Variants in SYCE1L observed in about 807,000 individuals in gnomAD.
SYCE1L encodes synaptonemal complex central element protein 1-like.
SYCE1L carries 51 observed loss-of-function variants against 39.6 expected under a neutral mutation model. The observed-to-expected ratio is 1.29, with a 90% CI of 1.03 to 1.63. The LOEUF (loss-of-function observed/expected upper bound fraction) is 1.63, where lower values mean the gene tolerates loss of function less well. Ranked by LOEUF, SYCE1L falls within the 40% of genes most tolerant of loss-of-function variation. SYCE1L has a pLI of 0.00. For missense variants in SYCE1L, 426 were observed against 304.9 expected (o/e 1.40, Z -2.96); for synonymous variants, 147 against 122.4 (o/e 1.20, Z -1.33).
chr16:77,201,927 G>T (rs1351740199), intron 1 of SYCE1L: 1 of 152,120 alleles, frequency 6.6e-6, no homozygotes, highest in Non-Finnish European at 1.5e-5. Context: ...ATGGAGGGGG[G>T]TATAGCCCTG....
At chr16:77,200,270 A>ATATATATG (rs1273001153) in intron 1 of SYCE1L, 4 of 95,014 alleles carry the variant, frequency 4.2e-5, no homozygotes, top group African/African-American at 1.4e-4. Context: ...ATATATATAT[A>ATATATATG]TGTGTATATA....
At chr16:77,210,746 G>A (rs1402614253) in intron 6 of SYCE1L, among the ~76,000 whole-genome samples, 2 of 152,114 alleles carry the variant, frequency 1.3e-5, no homozygotes, top group African/African-American at 2.4e-5. Flanking sequence ...ACAGGGTAAT[G>A]TTCTCAACAG....
At chr16:77,209,317 A>G in intron 5 of SYCE1L, 100 bp from the exon 6 acceptor site, 1 of 1,400,084 alleles carries the variant, frequency 7.1e-7, no homozygotes, top group Non-Finnish European at 9.9e-7. Flanking sequence ...AAGTCCTCAC[A>G]GTGCCCTCCA....
At chr16:77,206,337 C>G (rs2054785483) in intron 1 of SYCE1L, 104 bp from the exon 2 acceptor site, 3 of 981,902 alleles carry the variant, frequency 3.1e-6, no homozygotes, top group Non-Finnish European at 4.6e-6. Context: ...CATCCTTAGC[C>G]CCAGCCCACG....
At chr16:77,200,746 C>CAAAAAAAAAAAAAAAAAAAAA in intron 1 of SYCE1L, 1 of 84,838 alleles carries the variant, frequency 1.2e-5, no homozygotes, top group Non-Finnish European at 2.3e-5. Context: ...ACAGAGTGAG[C>CAAAAAAAAAAAAAAAAAAAAA]AAAAAAAAAA....
rs2054837720 is a variant in SYCE1L, at chr16:77,213,004, T to A, written c.*73T>A. On this transcript the variant is annotated 3_prime_UTR_variant, in exon 11 of 11. Coordinates refer to ENST00000378644, the MANE Select transcript of SYCE1L (RefSeq NM_001129979.3). ...AAATAAAGGCGATGATTTCCGACCA[T>A]GCTCGCGTTCTCCGCGGAGTCTGTG... The A allele has an allele frequency of 7.2e-7, 1 of 1,382,774 alleles. No homozygotes were observed. The highest frequency in any genetic ancestry group is 2.6e-5 in the Admixed American group (1 of 38,454). 85.7% of individuals were successfully genotyped at this position (1,382,774 alleles called of 1,614,324 possible).
At chr16:77,203,970 A>T (rs1021911336) in intron 1 of SYCE1L, among the ~76,000 whole-genome samples, 1 of 152,080 alleles carries the variant, frequency 6.6e-6, no homozygotes, top group Non-Finnish European at 1.5e-5. Context: ...CTTAAGACAC[A>T]TTCCTAGGAG....
intron 1 of SYCE1L, chr16:77,201,447 G>A (rs909801779): frequency 3.9e-5 from 6 of 152,174 alleles, no homozygotes; most frequent in African/African-American, 1.4e-4. Flanking sequence ...GCTTTATAAA[G>A]GGAAGCATAG....
chr16:77,212,406 G>A, intron 9 of SYCE1L, 37 bp downstream of exon 9: 1 of 1,531,868 alleles, frequency 6.5e-7, no homozygotes, highest in Non-Finnish European at 8.8e-7. Flanking sequence ...AGGAGGGCAG[G>A]GGCAGGGCGG....
intron 6 of SYCE1L, among the ~76,000 whole-genome samples, chr16:77,210,317 G>A (rs1467128313): frequency 6.6e-6 from 1 of 152,158 alleles, no homozygotes; most frequent in Non-Finnish European, 1.5e-5. Context: ...TGGGATTACA[G>A]GCGTGAGCTA....
At chr16:77,202,835 G>A (rs940274746) in intron 1 of SYCE1L, among the ~76,000 whole-genome samples, 1 of 129,554 alleles carries the variant, frequency 7.7e-6, no homozygotes, top group Non-Finnish European at 1.8e-5. Flanking sequence ...ATGATTGTCA[G>A]ATCTAGGCAA....
Position 77,212,296 on chromosome 16 carries a change from G to A in SYCE1L, c.508G>A (p.Ala170Thr), listed in dbSNP as rs762844352. The A allele has an allele frequency of 4.9e-5, 75 of 1,522,250 alleles. No homozygotes were observed. Among genetic ancestry groups the A allele is most frequent in the Non-Finnish European group, 6.4e-5 (73 of 1,136,226 alleles). The allele number at this position is 1,522,250 out of a possible 1,614,324, so 94.3% of individuals were successfully genotyped here. Residue 170 changes from alanine (A) to threonine (T), a missense_variant, in exon 9 of 11, where the codon GCC becomes ACC. Transcript: ENST00000378644. ...CCCACCGACAGGGAGGCTGGTGCGC[G>A]CCAAGCTGCGGGAGGTGGAGCGGCG... The part of the protein sequence containing the change: ...QLLSERRLVR[A>T]KLREVERRLH...
intron 1 of SYCE1L, 198 bp downstream of exon 1, chr16:77,199,710 G>A (rs1027691791): frequency 1.9e-6 from 1 of 529,680 alleles, no homozygotes; most frequent in East Asian, 3.1e-5. Flanking sequence ...TCTTATCACC[G>A]AGATTAACTT....
At chr16:77,203,456 C>G (rs937273560) in intron 1 of SYCE1L, among the ~76,000 whole-genome samples, 2 of 94,140 alleles carry the variant, frequency 2.1e-5, no homozygotes, top group Admixed American at 9.5e-5. Flanking sequence ...GAACATACCA[C>G]CAAATATTTC....
intron 1 of SYCE1L, among the ~76,000 whole-genome samples, chr16:77,205,099 A>G (rs1597383119): frequency 6.6e-6 from 1 of 151,654 alleles, no homozygotes; most frequent in South Asian, 2.1e-4. Context: ...GTTTGTATAT[A>G]CATTGAATTA....
At chr16:77,204,989 G>A (rs560123845) in intron 1 of SYCE1L, among the ~76,000 whole-genome samples, 1 of 149,468 alleles carries the variant, frequency 6.7e-6, no homozygotes, top group African/African-American at 2.5e-5. Flanking sequence ...AGGTTGCAGT[G>A]AGCTGAGATC....
intron 1 of SYCE1L, chr16:77,200,254 G>GTGTATATATATA: frequency 1.2e-5 from 1 of 84,388 alleles, no homozygotes; most frequent in East Asian, 2.9e-4. Context: ...ATATGTATAT[G>GTGTATATATATA]TGTATATATA....
intron 1 of SYCE1L, among the ~76,000 whole-genome samples, chr16:77,204,631 T>C (rs2054772444): frequency 1.3e-5 from 2 of 152,124 alleles, no homozygotes; most frequent in Admixed American, 1.3e-4. Flanking sequence ...TTACGGTATA[T>C]CCACACAGTG....
intron 1 of SYCE1L, among the ~76,000 whole-genome samples, chr16:77,203,134 T>A (rs930085959): frequency 7.2e-5 from 11 of 152,202 alleles, no homozygotes; most frequent in Non-Finnish European, 1.5e-4. Context: ...TTTCTTTGTT[T>A]GAATTTTCTT....
Sources: gnomAD v4.1 joint callset for allele counts (sites outside exome capture counted in the v4.1 genomes callset) on GRCh38, gnomAD v4.1.1 for gene constraint, MANE v1.5 for transcripts, NCBI Gene and HGNC (gene_info 2026-07-23, HGNC 2026-07-21) for gene names.